The following MX1 variants were observed in gnomAD, a reference collection of about 807,000 sequenced individuals.
MX1 encodes the protein MX dynamin like GTPase 1.
Under a neutral mutation model 66.4 loss-of-function variants are expected in MX1, and 66 were observed. The ratio of observed to expected loss-of-function variants is 0.99; its 90% confidence interval spans 0.82 to 1.22. The LOEUF (loss-of-function observed/expected upper bound fraction) is 1.22, where lower values mean the gene tolerates loss of function less well. MX1 is among the 50% of genes most tolerant of loss of function. The pLI, the probability that MX1 is intolerant of heterozygous loss-of-function variation, is 0.00. For synonymous variants in MX1, 311 were observed against 318.1 expected (o/e 0.98, Z 0.24); for missense variants, 787 against 834.3 (o/e 0.94, Z 0.70).
upstream of MX1, among the ~76,000 whole-genome samples, chr21:41,424,010 A>G (rs1410393715): frequency 1.3e-5 from 2 of 152,138 alleles, no homozygotes; most frequent in African/African-American, 2.4e-5. Flanking sequence ...TTCGTGAACA[A>G]GGGCCCTTAG....
chr21:41,436,122 C>T, intron 6 of MX1, 93 bp downstream of exon 6: 1 of 1,443,814 alleles, frequency 6.9e-7, no homozygotes, highest in Non-Finnish European at 9.3e-7. Context: ...TATTTTCTCA[C>T]AGTTCTGGAG....
chr21:41,436,170 G>GC, intron 6 of MX1, 141 bp downstream of exon 6: 1 of 1,023,202 alleles, frequency 9.8e-7, no homozygotes, highest in Non-Finnish European at 1.4e-6. Flanking sequence ...TTCTCCTGAG[G>GC]CCTTTCTCCA....
At chr21:41,458,091 C>G (rs1370466802) in intron 16 of MX1, among the ~76,000 whole-genome samples, 1 of 152,188 alleles carries the variant, frequency 6.6e-6, no homozygotes, top group Non-Finnish European at 1.5e-5. Flanking sequence ...GCAGCCTCCC[C>G]CTGCCTGGGT....
intron 16 of MX1, among the ~76,000 whole-genome samples, chr21:41,453,602 T>C (rs1338006845): frequency 1.3e-5 from 2 of 152,084 alleles, no homozygotes; most frequent in South Asian, 2.1e-4. Flanking sequence ...TTGAAAGAGG[T>C]TTATTCTGAG....
At chr21:41,454,304 A>G (rs2090908016) in intron 16 of MX1, among the ~76,000 whole-genome samples, 2 of 152,222 alleles carry the variant, frequency 1.3e-5, no homozygotes, top group African/African-American at 4.8e-5. Context: ...AGGAGATTTC[A>G]TGGTTTGTGG....
At position 41,451,172 on chromosome 21, in the gene MX1, G is replaced by T. The variant is rs938551663; in HGVS notation, c.1438G>T (p.Val480Phe). 1 of 1,608,154 alleles carries T rather than the reference G, an allele frequency of 6.2e-7. No homozygotes were observed. Among genetic ancestry groups the T allele is most frequent in the African/African-American group, 1.3e-5 (1 of 74,756 alleles). Residue 480 changes from valine (V) to phenylalanine (F), a missense_variant, in exon 15 of 17, where the codon GTC (valine) becomes TTC (phenylalanine). Val to Phe is a conservative substitution (Grantham distance 50). Coordinates refer to ENST00000398598, the MANE Select transcript of MX1 (RefSeq NM_002462.5). ...ATTTTTCTCTCTTTGATTAGATATG[G>T]TCCGGCTTGCTTTCACAGATGTTTC... ...VDMLHTVTDM[V>F]RLAFTDVSIK...
At chr21:41,444,251 T>A (rs2090597731) in intron 11 of MX1, among the ~76,000 whole-genome samples, 1 of 152,074 alleles carries the variant, frequency 6.6e-6, no homozygotes, top group Non-Finnish European at 1.5e-5. Context: ...TCTCTGTGGT[T>A]CTTTTTAAAA....
chr21:41,433,609 G>A (rs974168623), intron 5 of MX1, among the ~76,000 whole-genome samples: 5 of 152,176 alleles, frequency 3.3e-5, no homozygotes, highest in Non-Finnish European at 7.3e-5. Flanking sequence ...GCAGCAATAG[G>A]CAATATACCA....
intron 11 of MX1, among the ~76,000 whole-genome samples, 158 bp from the exon 12 acceptor site, chr21:41,445,290 C>T (rs1422473298): frequency 6.6e-6 from 1 of 152,096 alleles, no homozygotes; most frequent in Non-Finnish European, 1.5e-5. Flanking sequence ...AGTGTGTGCC[C>T]CCCTGCACCT....
chr21:41,458,723 C>T lies in MX1; in HGVS notation c.1954C>T (p.Gln652Ter), dbSNP rs548553496. Residue 652 changes from glutamine to a stop codon, truncating the protein, a stop_gained, in exon 17 of 17, where the codon CAG becomes TAG. Transcript: ENST00000398598. LOFTEE classifies it high-confidence loss of function. The stretch of plus-strand genomic sequence containing the variant: ...GAAGGAGCGGCTTGCACGGCTGACG[C>T]AGGCTCGGCGCCGGCTTGCCCAGTT... ...FLKERLARLT[Q>*]ARRRLAQFPG 2.5e-6 allele frequency: 4 copies of T among 1,613,746 alleles called. No individual in the cohort carries two copies. The highest frequency in any genetic ancestry group is 1.7e-5 in the Admixed American group (1 of 60,032).
At chr21:41,422,423 G>A (rs1000273491), upstream of MX1, among the ~76,000 whole-genome samples, 1 of 152,240 alleles carries the variant, frequency 6.6e-6, no homozygotes, top group Non-Finnish European at 1.5e-5. Context: ...GCTCTGTGGA[G>A]TAGCCATTCT....
chr21:41,432,016 T>G, intron 4 of MX1, 34 bp from the exon 5 acceptor site: 1 of 1,567,778 alleles, frequency 6.4e-7, no homozygotes, highest in Non-Finnish European at 8.8e-7. Flanking sequence ...ACCCAGCTGC[T>G]TATCTGTTCA....
At chr21:41,429,597 C>A (rs1187624765) in intron 3 of MX1, 1 of 152,080 alleles carries the variant, frequency 6.6e-6, no homozygotes, top group Non-Finnish European at 1.5e-5. Flanking sequence ...GGAATAAATT[C>A]CCAGATTGTC....
intron 6 of MX1, 30 bp from the exon 7 acceptor site, chr21:41,436,985 T>C: frequency 6.2e-7 from 1 of 1,612,552 alleles, no homozygotes; most frequent in Non-Finnish European, 8.5e-7. Context: ...AAGAGCAAAG[T>C]GGAGCACTGA....
intron 5 of MX1, 103 bp downstream of exon 5, chr21:41,432,278 C>A: frequency 1.0e-6 from 1 of 998,348 alleles, no homozygotes; most frequent in South Asian, 1.3e-5. Flanking sequence ...TATGCCTGCT[C>A]TCTCGCCTCT....
chr21:41,450,351 C>T (rs769360567), intron 14 of MX1, among the ~76,000 whole-genome samples: 13 of 152,180 alleles, frequency 8.5e-5, no homozygotes, highest in Non-Finnish European at 1.3e-4. Flanking sequence ...TCTTCATCCT[C>T]TCCTTGACTG....
At chr21:41,451,852 C>G (rs142547736) in intron 15 of MX1, among the ~76,000 whole-genome samples, 54 of 44,208 alleles carry the variant, frequency 1.2e-3, no homozygotes, top group African/African-American at 5.3e-3. Context: ...AAAAAAAAAA[C>G]AAACAAAAAA....
chr21:41,433,454 T>C (rs1245461025), intron 5 of MX1, among the ~76,000 whole-genome samples: 1 of 152,226 alleles, frequency 6.6e-6, no homozygotes, highest in Admixed American at 6.5e-5. Context: ...TATGTTCATG[T>C]AGCAGAATTC....
At chr21:41,428,316 C>T (rs1042307311) in intron 3 of MX1, 1 of 152,222 alleles carries the variant, frequency 6.6e-6, no homozygotes, top group Non-Finnish European at 1.5e-5. Context: ...TTCTCAAATT[C>T]AGGATTTATT....
Sources: allele counts gnomAD v4.1 joint callset (sites outside exome capture counted in the v4.1 genomes callset), GRCh38; gene constraint gnomAD v4.1.1; transcripts MANE v1.5; gene names NCBI Gene and HGNC (gene_info 2026-07-23, HGNC 2026-07-21).